The following SLC9A8 variants were observed in gnomAD, a reference collection of about 807,000 sequenced individuals.
SLC9A8 encodes the protein sodium/hydrogen exchanger 8.
A neutral mutation model predicts 66.6 loss-of-function variants in SLC9A8; 48 were observed. That is an observed-to-expected ratio of 0.72 (90% confidence interval 0.57 to 0.92). The LOEUF (loss-of-function observed/expected upper bound fraction) is 0.92, where lower values mean the gene tolerates loss of function less well. SLC9A8 is among the 40% of genes least tolerant of loss of function. The probability of loss-of-function intolerance (pLI) is 0.00; values close to 1 mark genes in which losing one functional copy is unlikely to be tolerated. For missense variants in SLC9A8, 599 were observed against 747.3 expected (o/e 0.80, Z 2.31); for synonymous variants, 274 against 282.6 (o/e 0.97, Z 0.31).
chr20:49,849,515 C>A, intron 5 of SLC9A8, 64 bp from the exon 6 acceptor site: 1 of 1,256,864 alleles, frequency 8.0e-7, no homozygotes, highest in Non-Finnish European at 1.2e-6. Context: ...GGTGTGCAGG[C>A]CGTGCCTTCA....
At chr20:49,830,993 A>G (rs1406020233) in intron 3 of SLC9A8, 7 of 751,894 alleles carry the variant, frequency 9.3e-6, no homozygotes, top group South Asian at 2.7e-5. Flanking sequence ...TCTGACTCCC[A>G]TGGCAGCTGC....
chr20:49,842,433 A>C (rs1012747383), intron 4 of SLC9A8, among the ~76,000 whole-genome samples: 3 of 152,208 alleles, frequency 2.0e-5, no homozygotes, highest in African/African-American at 7.2e-5. Context: ...TTTTGTAAAC[A>C]TGATAAAAAT....
intron 2 of SLC9A8, among the ~76,000 whole-genome samples, chr20:49,822,486 TA>T (rs1256414202): frequency 1.3e-5 from 2 of 152,272 alleles, no homozygotes; most frequent in South Asian, 2.1e-4. Context: ...ACAGCTTATA[TA>T]AAAAAATAGG....
chr20:49,819,944 T>A (rs180703208), intron 2 of SLC9A8, among the ~76,000 whole-genome samples: 223 of 152,344 alleles, frequency 1.5e-3, no homozygotes, highest in Middle Eastern at 0.01. Context: ...CATTCATCAG[T>A]GAACATTTGG....
intron 10 of SLC9A8, among the ~76,000 whole-genome samples, chr20:49,871,097 G>A (rs925633072): frequency 6.6e-6 from 1 of 152,198 alleles, no homozygotes; most frequent in Non-Finnish European, 1.5e-5. Context: ...ACGTCTGAGC[G>A]GGCAGTATGA....
intron 8 of SLC9A8, among the ~76,000 whole-genome samples, chr20:49,860,502 A>G (rs920621723): frequency 6.6e-6 from 1 of 152,036 alleles, no homozygotes; most frequent in African/African-American, 2.4e-5. Context: ...GGATCACTTG[A>G]GGGTAAGAGT....
chr20:49,834,420 G>GTGTATA (rs1324050968), intron 3 of SLC9A8, among the ~76,000 whole-genome samples: 1 of 30,508 alleles, frequency 3.3e-5, no homozygotes, highest in African/African-American at 1.6e-4. Flanking sequence ...TATATATACT[G>GTGTATA]TATATATATA....
chr20:49,854,561 CAT>C (rs3092660), intron 7 of SLC9A8, among the ~76,000 whole-genome samples: 120,755 of 151,856 alleles, frequency 0.8, 48,019 homozygotes, highest in East Asian at 0.84. Context: ...TCCTGGGTCA[CAT>C]GTGGTATTGT....
In SLC9A8 at chr20:49,887,984, C is replaced by T; in HGVS notation, c.*48C>T. On this transcript the variant is annotated 3_prime_UTR_variant, in exon 16 of 16. Transcript: ENST00000361573. ...CAGGCAGGCCCAGGATGGGCGTTTG[C>T]TGCGCACAGACACTCAGCAGGGGCC... The T allele has an allele frequency of 6.9e-7, 1 of 1,440,744 alleles. No individual in the cohort carries two copies. The allele number at this position is 1,440,744 out of a possible 1,614,324, so 89.2% of individuals were successfully genotyped here.
At chr20:49,824,223 G>A (rs1192137859) in intron 3 of SLC9A8, among the ~76,000 whole-genome samples, 1 of 152,226 alleles carries the variant, frequency 6.6e-6, no homozygotes, top group Non-Finnish European at 1.5e-5. Flanking sequence ...CCACTGGATA[G>A]TGTTGACCTC....
rs1274023309 is a variant in SLC9A8 at position 49,886,104 on chromosome 20, C to T, written c.1492-648C>T. On this transcript the variant is annotated intron_variant, in intron 14 of 15. Transcript: ENST00000361573. The surrounding 1 kb of genome is among the most constrained non-coding windows in gnomAD (Gnocchi z 4.8). Reference sequence around the variant, plus strand: ...TCCTCTGCCCTCCCTGCACCTGCCCCGTCCCCCTCCCCACCACCTGCAGTG... The same window carrying T: ...TCCTCTGCCCTCCCTGCACCTGCCCTGTCCCCCTCCCCACCACCTGCAGTG... Among the ~76,000 whole-genome samples, 4 of 151,966 alleles carry T rather than the reference C, an allele frequency of 2.6e-5. No individual in the cohort carries two copies. The highest frequency in any genetic ancestry group is 2.0e-4 in the Admixed American group (3 of 15,270).
At chr20:49,856,890 A>C (rs895637974) in intron 8 of SLC9A8, among the ~76,000 whole-genome samples, 3 of 152,126 alleles carry the variant, frequency 2.0e-5, no homozygotes, top group African/African-American at 7.2e-5. Context: ...CTAGGGATGC[A>C]GTGAGCTGTG....
intron 2 of SLC9A8, chr20:49,815,398 A>G (rs1374803184): frequency 2.4e-6 from 1 of 409,826 alleles, no homozygotes; most frequent in Non-Finnish European, 4.2e-6. Flanking sequence ...AGTTCTGAAG[A>G]GCTGTTGATG....
intron 6 of SLC9A8, 136 bp downstream of exon 6, chr20:49,849,816 C>G: frequency 7.2e-6 from 5 of 697,040 alleles, no homozygotes; most frequent in Non-Finnish European, 1.2e-5. Flanking sequence ...GGAAGGAAAT[C>G]CTAGCTTCAT....
chr20:49,833,255 A>G (rs1267801689), intron 3 of SLC9A8, among the ~76,000 whole-genome samples: 4 of 152,150 alleles, frequency 2.6e-5, no homozygotes, highest in African/African-American at 7.2e-5. Flanking sequence ...AGCTTGTAAG[A>G]CAGCACTTCC....
chr20:49,849,059 T>G (rs771182097), intron 5 of SLC9A8, among the ~76,000 whole-genome samples: 2 of 151,424 alleles, frequency 1.3e-5, no homozygotes, highest in African/African-American at 2.4e-5. Context: ...CTGGGAAGAG[T>G]TGAAATGTCC....
intron 3 of SLC9A8, among the ~76,000 whole-genome samples, chr20:49,835,880 G>C (rs2087515513): frequency 6.6e-6 from 1 of 151,786 alleles, no homozygotes; most frequent in South Asian, 2.1e-4. Context: ...TAGAGACGGG[G>C]TTTCACTATG....
Position 49,839,525 on chromosome 20 carries a change from A to G in SLC9A8, c.290-16A>G, listed in dbSNP as rs2087677669. Reference sequence around the variant, plus strand: ...ATATCTTAAATTTATGTTAAAGTTTACATTTTCTCTTGTAGGTATTCTCAT... The same window carrying G: ...ATATCTTAAATTTATGTTAAAGTTTGCATTTTCTCTTGTAGGTATTCTCAT... On this transcript the variant is annotated splice_polypyrimidine_tract_variant and intron_variant, in intron 3 of 15. Transcript: ENST00000361573. 2.7e-6 allele frequency: 4 copies of G among 1,462,432 alleles called. No homozygotes were observed. In the East Asian group the frequency reaches 9.1e-5, roughly 33 times the overall value. The allele number at this position is 1,462,432 out of a possible 1,614,324, so 90.6% of individuals were successfully genotyped here. A position where few individuals can be genotyped will look rare whatever the true frequency, so the allele number is the denominator to read the frequency against.
chr20:49,875,473 A>T (rs1009662401), intron 11 of SLC9A8, among the ~76,000 whole-genome samples: 1 of 152,192 alleles, frequency 6.6e-6, no homozygotes, highest in African/African-American at 2.4e-5. Flanking sequence ...TCACAAGAGC[A>T]GCCTGAGGGA....
Sources: gnomAD v4.1 joint callset for allele counts (sites outside exome capture counted in the v4.1 genomes callset) on GRCh38, gnomAD v4.1.1 for gene constraint, Gnocchi (gnomAD v3.1) non-coding constraint, MANE v1.5 for transcripts, NCBI Gene and HGNC (gene_info 2026-07-23, HGNC 2026-07-21) for gene names.